The following SLC25A21 variants were observed in gnomAD, a reference collection of about 807,000 sequenced individuals.
SLC25A21 encodes the protein solute carrier family 25 member 21.
Under a neutral mutation model 43.8 loss-of-function variants are expected in SLC25A21, and 47 were observed. That is an observed-to-expected ratio of 1.07 (90% CI 0.85 to 1.37). SLC25A21 has a LOEUF of 1.37. SLC25A21 is among the 40% of genes most tolerant of loss of function. The probability of loss-of-function intolerance (pLI) is 0.00; values close to 1 mark genes in which losing one functional copy is unlikely to be tolerated. For missense variants in SLC25A21, 352 were observed against 350.2 expected (o/e 1.00, Z -0.04); for synonymous variants, 131 against 121.3 (o/e 1.08, Z -0.52).
intron 2 of SLC25A21, among the ~76,000 whole-genome samples, chr14:36,827,378 A>G (rs976050569): frequency 1.3e-5 from 2 of 152,174 alleles, no homozygotes; most frequent in African/African-American, 2.4e-5. Flanking sequence ...TTCCCAGTAC[A>G]AATGCTTTTG....
chr14:36,765,440 G>T (rs552594466), intron 3 of SLC25A21, among the ~76,000 whole-genome samples: 1 of 152,298 alleles, frequency 6.6e-6, no homozygotes, highest in South Asian at 2.1e-4. Context: ...TTAAGCCCCA[G>T]TGTTTTGGGG....
intron 7 of SLC25A21, among the ~76,000 whole-genome samples, chr14:36,697,523 C>T (rs1406615156): frequency 1.3e-5 from 2 of 152,040 alleles, no homozygotes; most frequent in African/African-American, 4.8e-5. Flanking sequence ...TAAAGTCTCC[C>T]ATTATTATTT....
At chr14:37,109,598 C>T (rs544421769) in intron 1 of SLC25A21, among the ~76,000 whole-genome samples, 158 of 152,156 alleles carry the variant, frequency 1.0e-3, no homozygotes, top group Non-Finnish European at 1.6e-3. Flanking sequence ...AGAGTGGTTG[C>T]GAAAGTATTA....
At chr14:36,949,089 A>C (rs1892742600) in intron 1 of SLC25A21, among the ~76,000 whole-genome samples, 1 of 152,192 alleles carries the variant, frequency 6.6e-6, no homozygotes, top group African/African-American at 2.4e-5. Context: ...GTTAAGCCAG[A>C]ATTAGAATTG....
At chr14:36,785,909 T>C (rs1043878174) in intron 3 of SLC25A21, among the ~76,000 whole-genome samples, 1 of 152,242 alleles carries the variant, frequency 6.6e-6, no homozygotes, top group African/African-American at 2.4e-5. Context: ...GTACAGATCA[T>C]GTGACCTGAG....
At chr14:36,958,159 A>C (rs1028219666) in intron 1 of SLC25A21, among the ~76,000 whole-genome samples, 2 of 151,212 alleles carry the variant, frequency 1.3e-5, no homozygotes, top group Admixed American at 6.6e-5. Context: ...TTGCCTAGAC[A>C]ACCAAACTGC....
chr14:36,725,736 C>T, intron 5 of SLC25A21, 59 bp from the exon 6 acceptor site: 1 of 1,077,040 alleles, frequency 9.3e-7, no homozygotes, highest in African/African-American at 1.6e-5. Context: ...TGGGGTTAAA[C>T]ATCCTATTCA....
At chr14:37,017,603 C>G (rs114551996) in intron 1 of SLC25A21, among the ~76,000 whole-genome samples, 1 of 152,030 alleles carries the variant, frequency 6.6e-6, no homozygotes, top group Non-Finnish European at 1.5e-5. Flanking sequence ...TTTCCAGACA[C>G]AGGGTTGCCG....
intron 6 of SLC25A21, among the ~76,000 whole-genome samples, chr14:36,716,054 G>A (rs1884118654): frequency 6.6e-6 from 1 of 152,048 alleles, no homozygotes; most frequent in Non-Finnish European, 1.5e-5. Flanking sequence ...TCGTGCCACT[G>A]CACTCCAGCC....
intron 7 of SLC25A21, among the ~76,000 whole-genome samples, chr14:36,688,448 A>G (rs1284043050): frequency 1.3e-5 from 2 of 152,204 alleles, no homozygotes; most frequent in Non-Finnish European, 2.9e-5. Flanking sequence ...TGCTAAATAA[A>G]CCAAGATGCT....
intron 1 of SLC25A21, among the ~76,000 whole-genome samples, chr14:37,073,653 A>C (rs8008912): frequency 0.45 from 68,841 of 151,962 alleles, 18,147 homozygotes; most frequent in African/African-American, 0.74. Context: ...TGCCTCGACC[A>C]CCTCCAGCCT....
chr14:36,858,308 G>A (rs773949933), intron 2 of SLC25A21, among the ~76,000 whole-genome samples: 2 of 152,118 alleles, frequency 1.3e-5, no homozygotes, highest in Non-Finnish European at 2.9e-5. Flanking sequence ...AAGGTTCTCC[G>A]AAGTGAACCT....
intron 1 of SLC25A21, among the ~76,000 whole-genome samples, chr14:37,004,522 C>T (rs1188609036): frequency 1.3e-5 from 2 of 152,204 alleles, no homozygotes; most frequent in Non-Finnish European, 2.9e-5. Flanking sequence ...GAAAAATCCA[C>T]TAGACAGGAA....
chr14:37,002,874 A>C (rs1015088502), intron 1 of SLC25A21, among the ~76,000 whole-genome samples: 11 of 152,200 alleles, frequency 7.2e-5, no homozygotes, highest in Non-Finnish European at 1.5e-5. Context: ...GATTATTTAC[A>C]TTTGTAAAAG....
chr14:36,725,873 C>T (rs1884584329), intron 5 of SLC25A21, among the ~76,000 whole-genome samples, 196 bp from the exon 6 acceptor site: 1 of 152,150 alleles, frequency 6.6e-6, no homozygotes, highest in Non-Finnish European at 1.5e-5. Flanking sequence ...ATTACAGAAG[C>T]CACAAACCAC....
intron 3 of SLC25A21, among the ~76,000 whole-genome samples, chr14:36,763,599 G>T (rs1377452258): frequency 6.6e-6 from 1 of 152,140 alleles, no homozygotes; most frequent in African/African-American, 2.4e-5. Context: ...GTGGTGGTAG[G>T]GGGTCTGGAA....
intron 8 of SLC25A21, among the ~76,000 whole-genome samples, 160 bp downstream of exon 8, chr14:36,684,584 A>G (rs1392750414): frequency 6.6e-6 from 1 of 152,070 alleles, no homozygotes; most frequent in Non-Finnish European, 1.5e-5. Flanking sequence ...ACATCTTACT[A>G]TTGTGTTGTC....
At chr14:36,844,138 C>A (rs866018827) in intron 2 of SLC25A21, among the ~76,000 whole-genome samples, 1 of 152,174 alleles carries the variant, frequency 6.6e-6, no homozygotes, top group Non-Finnish European at 1.5e-5. Flanking sequence ...GACTTTAACA[C>A]GCTACAGTAC....
chr14:36,985,091 C>G (rs550052458), intron 1 of SLC25A21, among the ~76,000 whole-genome samples: 76 of 151,190 alleles, frequency 5.0e-4, no homozygotes, highest in African/African-American at 1.3e-3. Context: ...AAACCAAACA[C>G]CGCATATTCT....
Sources: gnomAD v4.1 joint callset for allele counts (sites outside exome capture counted in the v4.1 genomes callset) on GRCh38, gnomAD v4.1.1 for gene constraint, MANE v1.5 for transcripts, NCBI Gene and HGNC (gene_info 2026-07-23, HGNC 2026-07-21) for gene names.